ARHGAP17: variants seen among roughly 807,000 people sequenced by gnomAD.
ARHGAP17 encodes rho GTPase-activating protein 17.
In ARHGAP17, 57 loss-of-function variants were observed where a neutral mutation model predicts 99.5. That is an observed-to-expected ratio of 0.57 (90% CI 0.46 to 0.71). ARHGAP17 has a LOEUF of 0.71. Among genes scored for constraint, ARHGAP17 ranks in the 30% least tolerant of loss-of-function variants. The pLI is 0.00. For synonymous variants in ARHGAP17, 417 were observed against 429.6 expected, an observed-to-expected ratio of 0.97 and a Z score of 0.36; for missense variants, 1,000 against 1,122.4, an observed-to-expected ratio of 0.89 and a Z score of 1.56.
At chr16:24,964,816 T>C (rs1031725589) in intron 6 of ARHGAP17, among the ~76,000 whole-genome samples, 1 of 152,166 alleles carries the variant, frequency 6.6e-6, no homozygotes, top group South Asian at 2.1e-4. Flanking sequence ...ACTTCAATAG[T>C]GTAGCTATGA....
chr16:24,994,634 TC>T (rs2053142438), intron 1 of ARHGAP17, among the ~76,000 whole-genome samples: 1 of 152,178 alleles, frequency 6.6e-6, no homozygotes, highest in African/African-American at 2.4e-5. Context: ...TCAGCACTGT[TC>T]CAGGTGCTTT....
At chr16:25,000,027 G>A (rs766159960) in intron 1 of ARHGAP17, among the ~76,000 whole-genome samples, 1 of 152,102 alleles carries the variant, frequency 6.6e-6, no homozygotes, top group Non-Finnish European at 1.5e-5. Flanking sequence ...CTCACGTATA[G>A]GAACACAGCA....
At chr16:24,940,931 C>CT (rs1203281415) in intron 16 of ARHGAP17, among the ~76,000 whole-genome samples, 1 of 152,178 alleles carries the variant, frequency 6.6e-6, no homozygotes, top group Non-Finnish European at 1.5e-5. Flanking sequence ...TGAGAATTGT[C>CT]TGTCACGTGC....
chr16:24,973,494 G>A (rs535864155), intron 3 of ARHGAP17, among the ~76,000 whole-genome samples: 4 of 152,308 alleles, frequency 2.6e-5, no homozygotes, highest in East Asian at 1.9e-4. Flanking sequence ...TGGCACTTTC[G>A]TTTGACGTTG....
At chr16:24,943,575 C>A (rs998174166) in intron 15 of ARHGAP17, among the ~76,000 whole-genome samples, 196 bp downstream of exon 15, 5 of 152,054 alleles carry the variant, frequency 3.3e-5, no homozygotes, top group African/African-American at 1.2e-4. Context: ...TTTAGTGAAA[C>A]TAAGTGAAAT....
intron 3 of ARHGAP17, among the ~76,000 whole-genome samples, chr16:24,975,315 G>T (rs2052482190): frequency 6.6e-6 from 1 of 152,228 alleles, no homozygotes; most frequent in South Asian, 2.1e-4. Context: ...AAATGGCTTA[G>T]AAGTCACTGG....
intron 1 of ARHGAP17, among the ~76,000 whole-genome samples, chr16:25,001,409 T>G (rs1055670071): frequency 1.3e-4 from 20 of 152,314 alleles, no homozygotes; most frequent in African/African-American, 4.6e-4. Context: ...TTTGAACCTT[T>G]AGAGCCTAGC....
intron 18 of ARHGAP17, among the ~76,000 whole-genome samples, chr16:24,934,925 G>A (rs2051094406): frequency 6.6e-6 from 1 of 152,158 alleles, no homozygotes; most frequent in South Asian, 2.1e-4. Flanking sequence ...TCAGAGGTAG[G>A]CCCCACCAAA....
chr16:24,962,631 C>T (rs1276565066), intron 7 of ARHGAP17, among the ~76,000 whole-genome samples: 1 of 152,112 alleles, frequency 6.6e-6, no homozygotes, highest in African/African-American at 2.4e-5. Flanking sequence ...CAGATAAAGC[C>T]CCTCTTAAAA....
chr16:25,013,754 A>G (rs978772046), intron 1 of ARHGAP17: 2 of 152,228 alleles, frequency 1.3e-5, no homozygotes, highest in African/African-American at 4.8e-5. Flanking sequence ...TGTCACGAAC[A>G]ATGTAAAAAC....
chr16:24,970,054 TAAA>T (rs200930789), intron 4 of ARHGAP17, among the ~76,000 whole-genome samples: 3 of 143,284 alleles, frequency 2.1e-5, no homozygotes, highest in South Asian at 2.3e-4. Context: ...ATGACAATTG[TAAA>T]AAAAAAAAAA....
At chr16:24,941,063 C>T (rs537559848) in intron 16 of ARHGAP17, among the ~76,000 whole-genome samples, 12 of 152,234 alleles carry the variant, frequency 7.9e-5, no homozygotes, top group African/African-American at 2.6e-4. Context: ...AGAGGTAATA[C>T]GTCTGCATAG....
intron 19 of ARHGAP17, among the ~76,000 whole-genome samples, chr16:24,930,137 T>G (rs1431311868): frequency 6.6e-6 from 1 of 152,236 alleles, no homozygotes; most frequent in Non-Finnish European, 1.5e-5. Context: ...CACTAAAACC[T>G]GTACAATCAC....
At chr16:24,930,484 G>A (rs904560082) in intron 19 of ARHGAP17, among the ~76,000 whole-genome samples, 6 of 152,138 alleles carry the variant, frequency 3.9e-5, no homozygotes, top group Non-Finnish European at 7.3e-5. Flanking sequence ...GTCAGGGGTC[G>A]GCAAACTTAA....
chr16:24,982,061 A>G (rs142923100), intron 1 of ARHGAP17, among the ~76,000 whole-genome samples: 2,435 of 151,926 alleles, frequency 0.016, 63 homozygotes, highest in African/African-American at 0.055. Flanking sequence ...TATATATTAC[A>G]TTAATAAAAT....
At position 24,940,220 on chromosome 16, in the gene ARHGAP17, G is replaced by A. The variant is rs2051274773; in HGVS notation, c.1491-623C>T. On this transcript the variant is annotated intron_variant, in intron 16 of 19. Transcript: ENST00000289968. ...ATTACAGGCATAAGTCACCACATCC[G>A]GCCTATTTCCATACTTCCTAGTTCC... 2.6e-5 allele frequency among the ~76,000 whole-genome samples: 4 copies of A among 152,032 alleles called. No individual in the cohort carries two copies. The South Asian group carries it at 6.2e-4, about 24-fold the overall frequency.
chr16:24,920,283 A>C (rs377494109), intron 19 of ARHGAP17, 23 bp from the exon 20 acceptor site: 149 of 1,613,184 alleles, frequency 9.2e-5, no homozygotes, highest in Non-Finnish European at 1.2e-4. Context: ...ACGAGGAGAC[A>C]TGGTATCAAT....
intron 1 of ARHGAP17, 69 bp downstream of exon 1, chr16:25,015,140 C>T (rs1323584893): frequency 5.2e-5 from 61 of 1,178,332 alleles, no homozygotes; most frequent in Non-Finnish European, 6.3e-5. Flanking sequence ...GAGGAGCCGT[C>T]CCGCCCCCGC....
chr16:25,005,758 C>T (rs2053488032), intron 1 of ARHGAP17, among the ~76,000 whole-genome samples: 1 of 152,100 alleles, frequency 6.6e-6, no homozygotes, highest in Non-Finnish European at 1.5e-5. Context: ...TCATTTTGAA[C>T]TTAGTGGAAA....
Sources: allele counts gnomAD v4.1 joint callset (sites outside exome capture counted in the v4.1 genomes callset), GRCh38; gene constraint gnomAD v4.1.1; transcripts MANE v1.5; gene names NCBI Gene and HGNC (gene_info 2026-07-23, HGNC 2026-07-21).